IQCM: variants seen among roughly 807,000 people sequenced by gnomAD.
The protein encoded by IQCM is IQ domain-containing protein M.
A neutral mutation model predicts 57.6 loss-of-function variants in IQCM; 45 were observed. The observed-to-expected ratio is 0.78, with a 90% CI of 0.62 to 1.00. The LOEUF is 1.00. Among genes scored for constraint, IQCM ranks in the 50% least tolerant of loss-of-function variants. IQCM has a pLI of 0.00. For synonymous variants in IQCM, 148 were observed against 158.9 expected (o/e 0.93, Z 0.51); for missense variants, 468 against 511.6 (o/e 0.91, Z 0.82).
At position 149,379,858 on chromosome 4, in the gene IQCM, C is replaced by G. The variant is rs570865885; in HGVS notation, c.1391-27792G>C. Among the ~76,000 whole-genome samples the G allele has an allele frequency of 1.2e-4, 19 of 152,256 alleles. No homozygotes were observed. The South Asian group carries it at 3.9e-3, about 32-fold the overall frequency. On this transcript the variant is annotated intron_variant, in intron 13 of 13. Coordinates refer to ENST00000636793, the MANE Select transcript of IQCM (RefSeq NM_001363507.2). Reference sequence around the variant, plus strand: ...GCCTGTGTCCTCACCCAAATCTCATCTTGAATTGTAGCTCCCATAATTCCC... The same window carrying G: ...GCCTGTGTCCTCACCCAAATCTCATGTTGAATTGTAGCTCCCATAATTCCC...
At chr4:149,549,961 A>C (rs1290731339) in intron 11 of IQCM, among the ~76,000 whole-genome samples, 1 of 152,220 alleles carries the variant, frequency 6.6e-6, no homozygotes, top group African/African-American at 2.4e-5. Context: ...TAGTGTATTT[A>C]TGGCTATTTG....
intron 12 of IQCM, among the ~76,000 whole-genome samples, chr4:149,463,634 C>T (rs1462882028): frequency 6.6e-6 from 1 of 152,108 alleles, no homozygotes; most frequent in Non-Finnish European, 1.5e-5. Flanking sequence ...AATTAAAAGT[C>T]CCTAAATAGT....
At chr4:149,572,037 A>T (rs1342379473) in intron 9 of IQCM, among the ~76,000 whole-genome samples, 1 of 152,050 alleles carries the variant, frequency 6.6e-6, no homozygotes, top group East Asian at 1.9e-4. Context: ...TCTTTATATA[A>T]GTTATTACTG....
chr4:149,547,806 T>G (rs1748611443), intron 12 of IQCM, among the ~76,000 whole-genome samples: 2 of 152,256 alleles, frequency 1.3e-5, no homozygotes, highest in African/African-American at 4.8e-5. Context: ...AATTATACTT[T>G]GACAAAGCTG....
intron 12 of IQCM, among the ~76,000 whole-genome samples, chr4:149,491,567 T>C (rs1291896430): frequency 6.6e-6 from 1 of 152,124 alleles, no homozygotes; most frequent in Non-Finnish European, 1.5e-5. Flanking sequence ...GGTTCATCTA[T>C]GTTTTTTGCA....
At chr4:149,359,171 A>G (rs911176203) in intron 13 of IQCM, among the ~76,000 whole-genome samples, 2 of 152,154 alleles carry the variant, frequency 1.3e-5, no homozygotes, top group East Asian at 1.9e-4. Flanking sequence ...TTGGTCCCCA[A>G]GAACAAATAA....
chr4:149,397,204 C>T (rs1476529374), intron 13 of IQCM, among the ~76,000 whole-genome samples: 1 of 151,940 alleles, frequency 6.6e-6, no homozygotes, highest in Non-Finnish European at 1.5e-5. Flanking sequence ...CTCCCCAACA[C>T]TTAACAACTT....
At chr4:149,539,560 G>C (rs1747646116) in intron 12 of IQCM, among the ~76,000 whole-genome samples, 1 of 152,078 alleles carries the variant, frequency 6.6e-6, no homozygotes, top group Admixed American at 6.6e-5. Context: ...TAACTCAATT[G>C]AGATGTTAAA....
Position 149,456,196 on chromosome 4 carries a change from TCAGA to T in IQCM, c.1229-22643_1229-22640del, listed in dbSNP as rs201739044. ...AGTGGAGAGTTGTACAGAAGTACGA[TCAGA>T]CAAAGAGGATATGATTTCATGGTAA... On this transcript the variant is annotated intron_variant, in intron 12 of 13. Coordinates refer to ENST00000636793, the MANE Select transcript of IQCM (RefSeq NM_001363507.2). Among the ~76,000 whole-genome samples, 458 of 152,088 alleles carry T rather than the reference TCAGA, an allele frequency of 3.0e-3. 8 individuals are homozygous for T. Among genetic ancestry groups the T allele is most frequent in the Admixed American group, 0.027 (410 of 15,244 alleles).
At chr4:149,523,934 T>A (rs546642594) in intron 12 of IQCM, among the ~76,000 whole-genome samples, 3 of 152,190 alleles carry the variant, frequency 2.0e-5, no homozygotes, top group Non-Finnish European at 4.4e-5. Context: ...TAGTAACTTG[T>A]TCATACATAA....
At chr4:149,806,460 C>T (rs1475020270) in intron 2 of IQCM, among the ~76,000 whole-genome samples, 1 of 151,896 alleles carries the variant, frequency 6.6e-6, no homozygotes, top group Non-Finnish European at 1.5e-5. Flanking sequence ...ACCCATTAAC[C>T]AATCTCCCTT....
intron 2 of IQCM, among the ~76,000 whole-genome samples, chr4:149,761,250 T>C (rs1264373311): frequency 1.3e-5 from 2 of 152,094 alleles, no homozygotes; most frequent in African/African-American, 4.8e-5. Context: ...TATTTATGGA[T>C]CTCTTTTTAT....
At chr4:149,364,678 T>G (rs928609845) in intron 13 of IQCM, among the ~76,000 whole-genome samples, 4 of 152,010 alleles carry the variant, frequency 2.6e-5, no homozygotes, top group African/African-American at 9.7e-5. Flanking sequence ...GAGAATTAAA[T>G]TAGATGGCAT....
chr4:149,790,697 C>T (rs529080243), intron 2 of IQCM, among the ~76,000 whole-genome samples: 9 of 152,074 alleles, frequency 5.9e-5, no homozygotes, highest in Non-Finnish European at 1.3e-4. Context: ...AAGCTGTAAC[C>T]AGGTACTAAT....
chr4:149,469,209 G>A (rs940071326), intron 12 of IQCM, among the ~76,000 whole-genome samples: 1 of 152,152 alleles, frequency 6.6e-6, no homozygotes, highest in Non-Finnish European at 1.5e-5. Context: ...CCACCGTAAA[G>A]AAGCTAAAAA....
intron 12 of IQCM, among the ~76,000 whole-genome samples, chr4:149,474,990 A>G (rs1233823612): frequency 1.3e-5 from 2 of 152,284 alleles, no homozygotes; most frequent in African/African-American, 4.8e-5. Flanking sequence ...TTTAACAGCC[A>G]TTGAAAAGGT....
At chr4:149,523,984 C>A (rs1028754120) in intron 12 of IQCM, among the ~76,000 whole-genome samples, 5 of 151,904 alleles carry the variant, frequency 3.3e-5, no homozygotes, top group Non-Finnish European at 1.5e-5. Context: ...TGTATAATAA[C>A]CCTAACCAGG....
intron 5 of IQCM, among the ~76,000 whole-genome samples, chr4:149,704,474 G>A (rs1356510485): frequency 2.6e-5 from 4 of 151,894 alleles, no homozygotes; most frequent in East Asian, 1.9e-4. Flanking sequence ...AATTGTGACA[G>A]AGATCATACG....
intron 5 of IQCM, among the ~76,000 whole-genome samples, chr4:149,718,216 T>C (rs1205282735): frequency 6.6e-6 from 1 of 152,216 alleles, no homozygotes; most frequent in Non-Finnish European, 1.5e-5. Context: ...ATTTGCTCCA[T>C]TCCTGTGTCT....
Sources: allele counts gnomAD v4.1 joint callset (sites outside exome capture counted in the v4.1 genomes callset), GRCh38; gene constraint gnomAD v4.1.1; transcripts MANE v1.5; gene names NCBI Gene and HGNC (gene_info 2026-07-23, HGNC 2026-07-21).